The following ERBB4 variants were observed in gnomAD, a reference collection of about 807,000 sequenced individuals.
ERBB4 encodes the protein erb-b2 receptor tyrosine kinase 4, also known as receptor tyrosine-protein kinase erbB-4.
In ERBB4, 42 loss-of-function variants were observed where a neutral mutation model predicts 158.0. That is an observed-to-expected ratio of 0.27 (90% confidence interval 0.21 to 0.34). ERBB4 has a LOEUF of 0.34. Among genes scored for constraint, ERBB4 ranks in the 10% least tolerant of loss-of-function variants. The pLI is 1.00. For synonymous variants in ERBB4, 583 were observed against 558.7 expected (o/e 1.04, Z -0.61); for missense variants, 1,333 against 1,624.1 (o/e 0.82, Z 3.08).
intron 12 of ERBB4, among the ~76,000 whole-genome samples, chr2:211,699,278 T>A (rs889585620): frequency 1.6e-4 from 25 of 152,310 alleles, no homozygotes; most frequent in African/African-American, 5.5e-4. Context: ...GATATGCATA[T>A]ATGTTTAGGT....
intron 20 of ERBB4, among the ~76,000 whole-genome samples, chr2:211,541,449 T>C (rs954288823): frequency 1.3e-5 from 2 of 152,034 alleles, no homozygotes; most frequent in African/African-American, 2.4e-5. Flanking sequence ...TTCATTTCAC[T>C]GGTCTTTTTT....
chr2:212,115,353 A>G (rs1424193763), intron 2 of ERBB4, among the ~76,000 whole-genome samples: 3 of 152,158 alleles, frequency 2.0e-5, no homozygotes, highest in Non-Finnish European at 4.4e-5. Context: ...AAAGAAAACA[A>G]AGTGTTTCAT....
chr2:211,489,409 AACAATAAT>A (rs542375509), intron 20 of ERBB4, among the ~76,000 whole-genome samples: 21 of 152,100 alleles, frequency 1.4e-4, no homozygotes, highest in Non-Finnish European at 2.2e-4. Context: ...AATTTGGGAT[AACAATAAT>A]ACCAATCTCA....
intron 20 of ERBB4, among the ~76,000 whole-genome samples, chr2:211,495,889 T>A (rs1016868340): frequency 1.1e-4 from 17 of 152,172 alleles, no homozygotes; most frequent in Admixed American, 9.8e-4. Flanking sequence ...ATCATTTATA[T>A]CTTAAAGAGA....
chr2:212,315,955 T>C (rs2087254931), intron 1 of ERBB4, among the ~76,000 whole-genome samples: 1 of 151,544 alleles, frequency 6.6e-6, no homozygotes, highest in East Asian at 2.0e-4. Flanking sequence ...TTCATCTTAA[T>C]CTATTAATAG....
At chr2:211,889,452 A>T (rs1307453729) in intron 3 of ERBB4, among the ~76,000 whole-genome samples, 2 of 150,726 alleles carry the variant, frequency 1.3e-5, no homozygotes, top group South Asian at 2.1e-4. Flanking sequence ...ATGGGGAAAA[A>T]ACAGAACAGA....
At chr2:212,356,139 G>A (rs1198841257) in intron 1 of ERBB4, among the ~76,000 whole-genome samples, 1 of 151,990 alleles carries the variant, frequency 6.6e-6, no homozygotes, top group African/African-American at 2.4e-5. Flanking sequence ...GTAAAATGCT[G>A]ATTCTATTAA....
chr2:211,458,209 A>G (rs967670878), intron 20 of ERBB4, among the ~76,000 whole-genome samples: 1 of 150,648 alleles, frequency 6.6e-6, no homozygotes, highest in African/African-American at 2.5e-5. Flanking sequence ...AACCTGGAAG[A>G]GAGGGGAGCT....
At chr2:211,511,382 C>A (rs893529568) in intron 20 of ERBB4, among the ~76,000 whole-genome samples, 2 of 151,866 alleles carry the variant, frequency 1.3e-5, no homozygotes, top group African/African-American at 4.8e-5. Context: ...TATACATGTT[C>A]TTGAATAAAT....
At chr2:212,479,813 T>G (rs1689594744) in intron 1 of ERBB4, among the ~76,000 whole-genome samples, 1 of 152,140 alleles carries the variant, frequency 6.6e-6, no homozygotes, top group South Asian at 2.1e-4. Flanking sequence ...AGACTAGAAT[T>G]GAAAGAGGTA....
intron 2 of ERBB4, among the ~76,000 whole-genome samples, chr2:212,045,312 A>G (rs1171628434): frequency 6.6e-6 from 1 of 152,104 alleles, no homozygotes; most frequent in African/African-American, 2.4e-5. Flanking sequence ...TACAAAAATT[A>G]GCCAGACATG....
chr2:212,136,261 C>G (rs763902255), intron 1 of ERBB4, among the ~76,000 whole-genome samples: 1 of 152,176 alleles, frequency 6.6e-6, no homozygotes, highest in Non-Finnish European at 1.5e-5. Context: ...AAGAAATGGA[C>G]TATGGCCTTT....
chr2:211,486,690 A>C (rs960303489), intron 20 of ERBB4, among the ~76,000 whole-genome samples: 3 of 151,942 alleles, frequency 2.0e-5, no homozygotes, highest in Non-Finnish European at 2.9e-5. Context: ...TGCAAGCGAC[A>C]CTCTCTCTCC....
At chr2:211,723,815 G>T (rs950305096) in intron 6 of ERBB4, among the ~76,000 whole-genome samples, 2 of 152,148 alleles carry the variant, frequency 1.3e-5, no homozygotes, top group African/African-American at 2.4e-5. Context: ...TTAGCTTTGC[G>T]ACAGCATACA....
intron 2 of ERBB4, among the ~76,000 whole-genome samples, chr2:212,023,868 T>C (rs1210649959): frequency 6.6e-6 from 1 of 151,854 alleles, no homozygotes; most frequent in Non-Finnish European, 1.5e-5. Flanking sequence ...GTGTCTGTGA[T>C]GATTTTTAGG....
chr2:212,055,206 C>A (rs915368810), intron 2 of ERBB4, among the ~76,000 whole-genome samples: 1 of 152,178 alleles, frequency 6.6e-6, no homozygotes, highest in Non-Finnish European at 1.5e-5. Flanking sequence ...ATTGCTAGCA[C>A]AGCAGTCTGA....
chr2:212,481,265 A>G (rs1432508830), intron 1 of ERBB4, among the ~76,000 whole-genome samples: 1 of 152,118 alleles, frequency 6.6e-6, no homozygotes, highest in African/African-American at 2.4e-5. Context: ...ATGACTTTGT[A>G]TACCCATATA....
At chr2:211,793,403 A>T (rs1304350479) in intron 3 of ERBB4, among the ~76,000 whole-genome samples, 1 of 151,940 alleles carries the variant, frequency 6.6e-6, no homozygotes, top group Admixed American at 6.6e-5. Context: ...TAAAATAATA[A>T]AGATTAGAAA....
At chr2:212,505,416 G>GTCCTCACAATGTGTCAAAC (rs1203993080) in intron 1 of ERBB4, among the ~76,000 whole-genome samples, 12 of 149,712 alleles carry the variant, frequency 8.0e-5, no homozygotes, top group Non-Finnish European at 9.0e-5. Flanking sequence ...CTCTTGAAGA[G>GTCCTCACAATGTGTCAAAC]AGTGAGTATT....
Sources: gnomAD v4.1 joint callset for allele counts (sites outside exome capture counted in the v4.1 genomes callset) on GRCh38, gnomAD v4.1.1 for gene constraint, MANE v1.5 for transcripts, NCBI Gene and HGNC (gene_info 2026-07-23, HGNC 2026-07-21) for gene names.